The following PPP1R16A variants were observed in gnomAD, a reference collection of about 807,000 sequenced individuals.
PPP1R16A encodes the protein myosin phosphatase-targeting subunit 3.
In PPP1R16A, 39 loss-of-function variants were observed where a neutral mutation model predicts 46.6. The observed-to-expected ratio is 0.84, with a 90% CI of 0.65 to 1.09. The LOEUF is 1.09. Among genes scored for constraint, PPP1R16A ranks in the 50% least tolerant of loss-of-function variants. The pLI is 0.00. For missense variants in PPP1R16A, 798 were observed against 735.6 expected (o/e 1.08, Z -0.98); for synonymous variants, 413 against 321.5 (o/e 1.28, Z -3.04).
chr8:144,500,638 AG>A (rs1564771343), intron 8 of PPP1R16A, 26 bp downstream of exon 8: 2 of 1,604,068 alleles, frequency 1.2e-6, no homozygotes, highest in South Asian at 1.1e-5. Context: ...AGCAGGTGGG[AG>A]GGGGCTTCCA....
intron 2 of PPP1R16A, among the ~76,000 whole-genome samples, chr8:144,491,753 ACT>A (rs1362046068): frequency 1.4e-5 from 2 of 140,180 alleles, no homozygotes; most frequent in Non-Finnish European, 1.5e-5. Context: ...ATGGAGCGAG[ACT>A]CTGTTTCAAA....
chr8:144,497,491 G>C (rs765230005), intron 3 of PPP1R16A, 38 bp downstream of exon 3: 1 of 1,602,550 alleles, frequency 6.2e-7, no homozygotes, highest in South Asian at 1.1e-5. Flanking sequence ...CCCAGCAGAC[G>C]GCCCACTCCC....
At chr8:144,485,850 C>T (rs570662659) in intron 1 of PPP1R16A, among the ~76,000 whole-genome samples, 10 of 152,320 alleles carry the variant, frequency 6.6e-5, no homozygotes, top group African/African-American at 2.4e-4. Flanking sequence ...CTCCCTTTCC[C>T]AGCCTGAACC....
At chr8:144,501,364 T>G in intron 11 of PPP1R16A, 70 bp downstream of exon 11, 3 of 1,509,608 alleles carry the variant, frequency 2.0e-6, no homozygotes, top group East Asian at 2.5e-5. Context: ...TCTCTCCGCT[T>G]GGACCCCCTC....
chr8:144,494,393 G>A (rs2130399422), intron 2 of PPP1R16A, among the ~76,000 whole-genome samples: 1 of 152,114 alleles, frequency 6.6e-6, no homozygotes, highest in African/African-American at 2.4e-5. Flanking sequence ...GCTCGCTGCA[G>A]CCTCTACCTC....
intron 2 of PPP1R16A, chr8:144,495,761 G>A (rs1036033100): frequency 7.9e-5 from 12 of 152,356 alleles, no homozygotes; most frequent in African/African-American, 2.9e-4. Context: ...TCTGAGGTGA[G>A]GCCTGTGGCC....
chr8:144,484,549 C>T (rs1158510995), intron 1 of PPP1R16A, among the ~76,000 whole-genome samples: 5 of 152,230 alleles, frequency 3.3e-5, no homozygotes, highest in African/African-American at 4.8e-5. Context: ...CTCAGGCTGC[C>T]AGCTTCTTTC....
intron 1 of PPP1R16A, among the ~76,000 whole-genome samples, chr8:144,489,659 C>T (rs894411038): frequency 1.3e-5 from 2 of 152,172 alleles, no homozygotes; most frequent in African/African-American, 4.8e-5. Flanking sequence ...GCCTTCTGTG[C>T]TGACCTCAGT....
chr8:144,479,737 A>T (rs192446335), intron 1 of PPP1R16A, among the ~76,000 whole-genome samples: 1 of 152,270 alleles, frequency 6.6e-6, no homozygotes, highest in African/African-American at 2.4e-5. Context: ...TAACCCTAGC[A>T]CTTGTGCCAC....
chr8:144,483,959 C>T (rs1171413258), intron 1 of PPP1R16A, among the ~76,000 whole-genome samples: 1 of 152,246 alleles, frequency 6.6e-6, no homozygotes, highest in African/African-American at 2.4e-5. Flanking sequence ...TAGGAATGTG[C>T]TGGCTGACTG....
In PPP1R16A at chr8:144,500,914, C is replaced by T. The variant is rs865924992; in HGVS notation, c.980C>T (p.Ala327Val). 1.2e-5 allele frequency: 19 copies of T among 1,532,316 alleles called. No individual in the cohort carries two copies. In the East Asian group the frequency reaches 4.6e-4, roughly 37 times the overall value. 94.9% of individuals were successfully genotyped at this position (1,532,316 alleles called of 1,614,324 possible). A position where few individuals can be genotyped will look rare whatever the true frequency, so the allele number is the denominator to read the frequency against. The change falls in exon 10 of 12, where the codon GCC (alanine) becomes GTC (valine). Residue 327 changes from alanine (A) to valine (V), a missense_variant. By Grantham distance (64) the Ala-to-Val change is moderately conservative. Transcript: ENST00000435887. ...CACAAGCACGACGCCCTCCTGCGCGCCCAGAGCCGCCAGCGCTCCTTGCTG... is the reference window on the plus strand; with the variant it reads ...CACAAGCACGACGCCCTCCTGCGCGTCCAGAGCCGCCAGCGCTCCTTGCTG... ...LKHKHDALLRAQSRQRSLLRR... is the reference protein window; with the variant it reads ...LKHKHDALLRVQSRQRSLLRR...
chr8:144,497,612 GC>G, intron 3 of PPP1R16A, 159 bp downstream of exon 3: 2 of 1,039,828 alleles, frequency 1.9e-6, no homozygotes, highest in Non-Finnish European at 2.9e-6. Context: ...GGCCCAGGGT[GC>G]CCCCATCAGG....
intron 2 of PPP1R16A, among the ~76,000 whole-genome samples, chr8:144,494,611 A>G (rs560825305): frequency 5.5e-4 from 84 of 152,196 alleles, no homozygotes; most frequent in African/African-American, 2.0e-3. Context: ...TTAAATCTTA[A>G]TCTTTCCTTC....
In PPP1R16A at chr8:144,498,040, G is replaced by T. The variant is rs1237895890; in HGVS notation, c.259+587G>T. On this transcript the variant is annotated intron_variant, in intron 3 of 11. Transcript: ENST00000435887. ...ACTTCTGGTGCTCTGGAGTCTTGGG[G>T]GAAGAGGCACTGTGGTGGCCCTTGA... 4 of 456,180 alleles carry T rather than the reference G, an allele frequency of 8.8e-6. No homozygotes were observed. The Admixed American group carries it at 9.4e-5, about 11-fold the overall frequency. 28.3% of individuals were successfully genotyped at this position (456,180 alleles called of 1,614,324 possible). A position where few individuals can be genotyped will look rare whatever the true frequency, so the allele number is the denominator to read the frequency against.
chr8:144,479,891 G>A (rs1246086448), intron 1 of PPP1R16A, among the ~76,000 whole-genome samples: 1 of 152,194 alleles, frequency 6.6e-6, no homozygotes. Context: ...AGCCTTCCAT[G>A]TCACATCCTG....
In PPP1R16A at chr8:144,493,943, C is replaced by CT. The variant is rs1234624401; in HGVS notation, c.-734-2517dup. ...GGGCCTCCCTCTGCAGCCAGGGGGA[C>CT]TGGGGGGGTTCCCACTGTCCAGCTG... On this transcript the variant is annotated intron_variant, in intron 2 of 11. Transcript: ENST00000435887. The surrounding 1 kb of genome is among the most constrained non-coding windows in gnomAD (Gnocchi z 4.3). Among the ~76,000 whole-genome samples, 1 of 152,034 alleles carries CT rather than the reference C, an allele frequency of 6.6e-6. No individual in the cohort carries two copies. Among genetic ancestry groups the CT allele is most frequent in the Admixed American group, 6.6e-5 (1 of 15,266 alleles).
At chr8:144,498,548 T>C (rs143154218) in intron 3 of PPP1R16A, 62 of 538,562 alleles carry the variant, frequency 1.2e-4, no homozygotes, top group Non-Finnish European at 1.9e-4. Flanking sequence ...AGCACCACCA[T>C]GAAGGGCCTG....
At chr8:144,484,818 G>A (rs370780969) in intron 1 of PPP1R16A, among the ~76,000 whole-genome samples, 1 of 152,330 alleles carries the variant, frequency 6.6e-6, no homozygotes, top group South Asian at 2.1e-4. Flanking sequence ...TCCAAATCAC[G>A]GGGTCTTCCC....
At chr8:144,491,190 A>G (rs778898002) in intron 2 of PPP1R16A, among the ~76,000 whole-genome samples, 2 of 152,358 alleles carry the variant, frequency 1.3e-5, no homozygotes, top group South Asian at 4.1e-4. Flanking sequence ...GACCCACCTC[A>G]TCTTGTTAAC....
Sources: allele counts gnomAD v4.1 joint callset (sites outside exome capture counted in the v4.1 genomes callset), GRCh38; gene constraint gnomAD v4.1.1; non-coding constraint Gnocchi (gnomAD v3.1); transcripts MANE v1.5; gene names NCBI Gene and HGNC (gene_info 2026-07-23, HGNC 2026-07-21).